The following PRKCH variants were observed in gnomAD, a reference collection of about 807,000 sequenced individuals.
PRKCH encodes protein kinase C eta type.
PRKCH carries 28 observed loss-of-function variants against 82.5 expected under a neutral mutation model. That is an observed-to-expected ratio of 0.34 (90% confidence interval 0.25 to 0.47). PRKCH has a LOEUF of 0.47. Among genes scored for constraint, PRKCH ranks in the 20% least tolerant of loss-of-function variants. The pLI, the probability that PRKCH is intolerant of heterozygous loss-of-function variation, is 1.00. For synonymous variants in PRKCH, 322 were observed against 327.4 expected, an observed-to-expected ratio of 0.98 and a Z score of 0.18; for missense variants, 705 against 881.8, an observed-to-expected ratio of 0.80 and a Z score of 2.54.
intron 10 of PRKCH, chr14:61,524,940 G>A (rs1321032104): frequency 6.6e-6 from 1 of 152,190 alleles, no homozygotes; most frequent in Non-Finnish European, 1.5e-5. Context: ...GTACTTTGGA[G>A]CAAAGTTTAT....
chr14:61,414,110 C>T (rs1046757735), intron 2 of PRKCH, among the ~76,000 whole-genome samples: 3 of 152,066 alleles, frequency 2.0e-5, no homozygotes, highest in South Asian at 2.1e-4. Flanking sequence ...TTCAGCCCGC[C>T]GCTGTCCCCA....
At chr14:61,316,151 G>C (rs947513973) in intron 1 of PRKCH, among the ~76,000 whole-genome samples, 1 of 152,052 alleles carries the variant, frequency 6.6e-6, no homozygotes, top group African/African-American at 2.4e-5. Flanking sequence ...TTCCAATATG[G>C]CTGAACTGGT....
At chr14:61,215,212 G>A (rs899455398) in intron 1 of PRKCH, among the ~76,000 whole-genome samples, 6 of 152,128 alleles carry the variant, frequency 3.9e-5, no homozygotes, top group Non-Finnish European at 8.8e-5. Context: ...TTTTTTAGAT[G>A]TGAGGAACAT....
intron 1 of PRKCH, among the ~76,000 whole-genome samples, chr14:61,275,629 T>A (rs1039691809): frequency 6.6e-6 from 1 of 152,164 alleles, no homozygotes; most frequent in East Asian, 1.9e-4. Flanking sequence ...GCTTACTAAA[T>A]TTCTCAAAGC....
intron 1 of PRKCH, among the ~76,000 whole-genome samples, chr14:61,189,464 A>T (rs1360074334): frequency 6.6e-6 from 1 of 151,894 alleles, no homozygotes; most frequent in African/African-American, 2.4e-5. Flanking sequence ...CTGCCTTGAG[A>T]TGCTTCCTTT....
chr14:61,237,032 C>T (rs994436992), intron 1 of PRKCH, among the ~76,000 whole-genome samples: 9 of 152,102 alleles, frequency 5.9e-5, no homozygotes, highest in Non-Finnish European at 8.8e-5. Context: ...CCTATGGACT[C>T]GCCCTGAATT....
At chr14:61,454,303 A>G (rs755780293) in intron 7 of PRKCH, among the ~76,000 whole-genome samples, 1 of 151,068 alleles carries the variant, frequency 6.6e-6, no homozygotes, top group Non-Finnish European at 1.5e-5. Flanking sequence ...GAGTTTCTCC[A>G]TGTTGGCCAG....
intron 7 of PRKCH, among the ~76,000 whole-genome samples, chr14:61,454,753 T>A (rs888332048): frequency 1.3e-5 from 2 of 152,198 alleles, no homozygotes; most frequent in Admixed American, 6.6e-5. Flanking sequence ...CCACCTGCTG[T>A]CATCCAGTTG....
chr14:61,293,238 G>A (rs544612560), intron 1 of PRKCH, among the ~76,000 whole-genome samples: 3 of 152,278 alleles, frequency 2.0e-5, no homozygotes, highest in Non-Finnish European at 2.9e-5. Context: ...TTCACAGAGG[G>A]CCTGTCAGCT....
chr14:61,251,759 GTT>G (rs753942229), intron 1 of PRKCH, among the ~76,000 whole-genome samples: 18 of 152,014 alleles, frequency 1.2e-4, no homozygotes, highest in Non-Finnish European at 2.4e-4. Context: ...TCTATTTTTA[GTT>G]TTTTGAGGAA....
chr14:61,387,547 T>C (rs953847586), intron 1 of PRKCH, among the ~76,000 whole-genome samples: 6 of 152,178 alleles, frequency 3.9e-5, no homozygotes, highest in Non-Finnish European at 8.8e-5. Flanking sequence ...CTGTCTATAT[T>C]GTACAGGAAT....
At chr14:61,293,138 A>C (rs2045378065) in intron 1 of PRKCH, among the ~76,000 whole-genome samples, 1 of 152,230 alleles carries the variant, frequency 6.6e-6, no homozygotes, top group Admixed American at 6.5e-5. Flanking sequence ...GGGCAACAGG[A>C]GAGGTACAGG....
chr14:61,327,988 C>G (rs1020938264), intron 1 of PRKCH, among the ~76,000 whole-genome samples: 1 of 151,662 alleles, frequency 6.6e-6, no homozygotes, highest in African/African-American at 2.4e-5. Flanking sequence ...CGGTGGCTCA[C>G]GCCTGTAATC....
At chr14:61,264,639 C>T (rs1193200213) in intron 1 of PRKCH, among the ~76,000 whole-genome samples, 3 of 152,158 alleles carry the variant, frequency 2.0e-5, no homozygotes, top group Non-Finnish European at 4.4e-5. Context: ...GAGTTGAAAG[C>T]ACATAGAGAT....
At position 61,549,901 on chromosome 14, in the gene PRKCH, T is replaced by C; in HGVS notation, c.*70T>C. On this transcript the variant is annotated 3_prime_UTR_variant, in exon 14 of 14. Transcript: ENST00000332981. ...AGAGATTCTCCAGGAATTTCCTCTA[T>C]GGGACCTTCCCAGCATCAGCCTTAG... The C allele has an allele frequency of 6.6e-7, 1 of 1,524,066 alleles. No individual in the cohort carries two copies. Among genetic ancestry groups the C allele is most frequent in the Non-Finnish European group, 8.9e-7 (1 of 1,123,330 alleles). 94.4% of individuals were successfully genotyped at this position (1,524,066 alleles called of 1,614,324 possible). A position where few individuals can be genotyped will look rare whatever the true frequency, so the allele number is the denominator to read the frequency against.
At chr14:61,253,733 C>T (rs1421135321) in intron 1 of PRKCH, among the ~76,000 whole-genome samples, 4 of 152,228 alleles carry the variant, frequency 2.6e-5, no homozygotes, top group Middle Eastern at 3.4e-3. Context: ...AATTAGGCAA[C>T]GGTGCGCAAG....
chr14:61,367,194 T>G (rs993197564), intron 1 of PRKCH, among the ~76,000 whole-genome samples: 1 of 151,920 alleles, frequency 6.6e-6, no homozygotes, highest in Non-Finnish European at 1.5e-5. Context: ...GAAGGAAGCA[T>G]GAACTACCAT....
At chr14:61,203,456 G>A (rs1039538213) in intron 1 of PRKCH, among the ~76,000 whole-genome samples, 14 of 152,110 alleles carry the variant, frequency 9.2e-5, no homozygotes, top group Admixed American at 3.3e-4. Flanking sequence ...GGGCTTGGGG[G>A]GTACTCAAAT....
Position 61,352,658 on chromosome 14 carries a change from A to AAGAG in PRKCH, c.363+30214_363+30217dup, listed in dbSNP as rs113969377. 5.6e-3 allele frequency among the ~76,000 whole-genome samples: 778 copies of AAGAG among 138,992 alleles called. 9 individuals carry two copies. Among genetic ancestry groups the AAGAG allele is most frequent in the African/African-American group, 0.02 (719 of 35,538 alleles). The allele number at this position is 138,992 out of a possible 152,430, so 91.2% of individuals were successfully genotyped here. On this transcript the variant is annotated intron_variant, in intron 1 of 13. Transcript: ENST00000332981. Reference sequence around the variant, plus strand: ...CCATCTCAAAAGAAAGAAAGAAAGAAAGAGAGAGAGAGAGAGAGAGAGAAA... The same window carrying AAGAG: ...CCATCTCAAAAGAAAGAAAGAAAGAAAGAGAGAGAGAGAGAGAGAGAGAGAGAAA...
Sources: allele counts gnomAD v4.1 joint callset (sites outside exome capture counted in the v4.1 genomes callset), GRCh38; gene constraint gnomAD v4.1.1; transcripts MANE v1.5; gene names NCBI Gene and HGNC (gene_info 2026-07-23, HGNC 2026-07-21).